The following ZCCHC17 variants were observed in gnomAD, a reference collection of about 807,000 sequenced individuals.
ZCCHC17 encodes the protein zinc finger CCHC-type containing 17, also known as zinc finger CCHC domain-containing protein 17.
In ZCCHC17, 18 loss-of-function variants were observed where a neutral mutation model predicts 30.6. The ratio of observed to expected loss-of-function variants is 0.59; its 90% confidence interval spans 0.41 to 0.87. ZCCHC17 has a LOEUF of 0.87. Among genes scored for constraint, ZCCHC17 ranks in the 40% least tolerant of loss-of-function variants. ZCCHC17 has a pLI of 0.00. For synonymous variants in ZCCHC17, 88 were observed against 92.4 expected, an observed-to-expected ratio of 0.95 and a Z score of 0.27; for missense variants, 263 against 284.2, an observed-to-expected ratio of 0.93 and a Z score of 0.54.
chr1:31,297,531 G>A (rs1025858978), intron 1 of ZCCHC17, among the ~76,000 whole-genome samples: 4 of 152,330 alleles, frequency 2.6e-5, no homozygotes, highest in African/African-American at 9.6e-5. Flanking sequence ...TGAGACTCAT[G>A]CCCATGAACG....
chr1:31,361,422 A>T (rs1031152658), intron 7 of ZCCHC17, among the ~76,000 whole-genome samples: 6 of 152,244 alleles, frequency 3.9e-5, no homozygotes, highest in African/African-American at 1.4e-4. Context: ...ACCTCATAGC[A>T]TCCTTTGAAA....
chr1:31,346,948 T>C, intron 6 of ZCCHC17: 1 of 1,103,216 alleles, frequency 9.1e-7, no homozygotes, highest in African/African-American at 1.6e-5. Context: ...TACCAGATAC[T>C]ATACCACTAC....
chr1:31,337,079 C>T (rs1407709610), intron 3 of ZCCHC17, 96 bp from the exon 4 acceptor site: 3 of 1,159,592 alleles, frequency 2.6e-6, no homozygotes, highest in Non-Finnish European at 2.4e-6. Flanking sequence ...TTTCATTTTT[C>T]CCTTGCATTC....
rs552098319 is a variant in ZCCHC17 at position 31,299,338 on chromosome 1, T to A, written c.-56+2263T>A. Among the ~76,000 whole-genome samples, 699 of 152,002 alleles carry A rather than the reference T, an allele frequency of 4.6e-3. 5 individuals are homozygous for A. The highest frequency in any genetic ancestry group is 0.015 in the African/African-American group (609 of 41,436). On this transcript the variant is annotated intron_variant, in intron 1 of 7. Coordinates refer to ENST00000344147, the MANE Select transcript of ZCCHC17 (RefSeq NM_016505.4). Reference sequence around the variant, plus strand: ...ATGTAGGATGCAAGGAAAAAAAAAATTTTTTTCCAGCATATCCAGCGGTTT... The same window carrying A: ...ATGTAGGATGCAAGGAAAAAAAAAAATTTTTTCCAGCATATCCAGCGGTTT...
intron 3 of ZCCHC17, among the ~76,000 whole-genome samples, chr1:31,320,983 T>G (rs570461960): frequency 1.7e-3 from 252 of 152,370 alleles, no homozygotes; most frequent in Middle Eastern, 0.01. Flanking sequence ...CTAATGGATG[T>G]GCACGGACAT....
chr1:31,325,035 G>T (rs1638280386), intron 3 of ZCCHC17, among the ~76,000 whole-genome samples: 1 of 152,184 alleles, frequency 6.6e-6, no homozygotes, highest in Non-Finnish European at 1.5e-5. Context: ...GACTCAGCCA[G>T]ACTTGGGCAG....
At chr1:31,346,990 G>A (rs2148467321) in intron 6 of ZCCHC17, among the ~76,000 whole-genome samples, 1 of 152,240 alleles carries the variant, frequency 6.6e-6, no homozygotes, top group African/African-American at 2.4e-5. Context: ...CACAGCATAT[G>A]CCTTGTCTGG....
intron 5 of ZCCHC17, among the ~76,000 whole-genome samples, chr1:31,344,568 C>T (rs1358061647): frequency 1.3e-5 from 2 of 152,084 alleles, no homozygotes; most frequent in South Asian, 2.1e-4. Context: ...AGTTATTACT[C>T]TAGATGAAAC....
intron 6 of ZCCHC17, 115 bp from the exon 7 acceptor site, chr1:31,348,714 C>G (rs1037061123): frequency 2.0e-5 from 26 of 1,283,852 alleles, no homozygotes; most frequent in Non-Finnish European, 2.8e-5. Context: ...TTTGAATGAA[C>G]TCAACAATAT....
rs545698245 is a variant in ZCCHC17, at chr1:31,322,306, G to A, written c.124+3140G>A. ...ATGACTACCCTCACTTCAGATGCCA[G>A]CCCCAATATTGAATCCTCAGATTAC... On this transcript the variant is annotated intron_variant, in intron 3 of 7. Transcript: ENST00000344147. Among the ~76,000 whole-genome samples, 27 of 152,214 alleles carry A rather than the reference G, an allele frequency of 1.8e-4. 1 individual carries two copies. The South Asian group carries it at 4.4e-3, about 25-fold the overall frequency.
Position 31,356,520 on chromosome 1 carries a change from T to C in ZCCHC17, c.565-7512T>C, listed in dbSNP as rs572188569. ...ATGCCTGGTACTTAATAGGAATACA[T>C]GCACTAACTACCTGTGAATAGATAG... On this transcript the variant is annotated intron_variant, in intron 7 of 7. Transcript: ENST00000344147. 3.9e-5 allele frequency among the ~76,000 whole-genome samples: 6 copies of C among 152,350 alleles called. No individual in the cohort carries two copies. In the South Asian group the frequency reaches 1.2e-3, roughly 32 times the overall value.
intron 5 of ZCCHC17, among the ~76,000 whole-genome samples, chr1:31,340,532 G>A (rs912662581): frequency 1.3e-5 from 2 of 152,098 alleles, no homozygotes; most frequent in African/African-American, 4.8e-5. Context: ...GGTCGGGCTG[G>A]TCTTGAACTC....
intron 1 of ZCCHC17, chr1:31,297,348 G>T: frequency 2.5e-6 from 1 of 395,566 alleles, no homozygotes; most frequent in Non-Finnish European, 4.5e-6. Flanking sequence ...TTCCCAGGGA[G>T]AAAGGCCTGC....
chr1:31,301,304 A>G (rs1014179654), intron 1 of ZCCHC17, among the ~76,000 whole-genome samples: 1 of 152,204 alleles, frequency 6.6e-6, no homozygotes, highest in Non-Finnish European at 1.5e-5. Context: ...TCCACACTCT[A>G]CAAAGGGAGG....
chr1:31,352,574 C>G (rs571523380), intron 7 of ZCCHC17, among the ~76,000 whole-genome samples: 118 of 152,250 alleles, frequency 7.8e-4, no homozygotes, highest in African/African-American at 2.7e-3. Flanking sequence ...GCCTCAACCT[C>G]CTGGGCTCAA....
At chr1:31,317,470 A>G (rs533299918) in intron 2 of ZCCHC17, among the ~76,000 whole-genome samples, 10 of 152,328 alleles carry the variant, frequency 6.6e-5, no homozygotes, top group African/African-American at 2.4e-4. Context: ...CTTTATGTAC[A>G]TCATTTGTTA....
At chr1:31,323,832 C>T (rs1272424748) in intron 3 of ZCCHC17, among the ~76,000 whole-genome samples, 1 of 152,190 alleles carries the variant, frequency 6.6e-6, no homozygotes, top group Admixed American at 6.5e-5. Flanking sequence ...AGCATAATTT[C>T]ACAGACTTTG....
chr1:31,311,707 A>G (rs904674394), intron 2 of ZCCHC17, among the ~76,000 whole-genome samples: 1 of 152,180 alleles, frequency 6.6e-6, no homozygotes, highest in Non-Finnish European at 1.5e-5. Context: ...TTTATGAGGC[A>G]CTCATCCATT....
chr1:31,318,422 T>G (rs186146919), intron 2 of ZCCHC17, among the ~76,000 whole-genome samples: 2 of 152,330 alleles, frequency 1.3e-5, no homozygotes, highest in Admixed American at 1.3e-4. Flanking sequence ...TAACATTTAT[T>G]GGTTGCCTAT....
Sources: gnomAD v4.1 joint callset for allele counts (sites outside exome capture counted in the v4.1 genomes callset) on GRCh38, gnomAD v4.1.1 for gene constraint, MANE v1.5 for transcripts, NCBI Gene and HGNC (gene_info 2026-07-23, HGNC 2026-07-21) for gene names.